Variants in ATP8A2 observed in about 807,000 individuals in gnomAD.
ATP8A2 encodes ATPase phospholipid transporting 8A2, also known as phospholipid-transporting ATPase IB.
A neutral mutation model predicts 165.6 loss-of-function variants in ATP8A2; 100 were observed. That is an observed-to-expected ratio of 0.60 (90% CI 0.51 to 0.71). The LOEUF (loss-of-function observed/expected upper bound fraction) is 0.71, where lower values mean the gene tolerates loss of function less well. ATP8A2 is among the 30% of genes least tolerant of loss of function. ATP8A2 has a pLI of 0.00. For synonymous variants in ATP8A2, 543 were observed against 548.8 expected, an observed-to-expected ratio of 0.99 and a Z score of 0.15; for missense variants, 1,227 against 1,479.5, an observed-to-expected ratio of 0.83 and a Z score of 2.80.
intron 33 of ATP8A2, among the ~76,000 whole-genome samples, chr13:25,873,629 C>T (rs1264270216): frequency 6.6e-6 from 1 of 151,320 alleles, no homozygotes. Context: ...ATTTTTACCC[C>T]CTAAGTATCT....
chr13:25,420,682 C>A (rs1003242511), intron 1 of ATP8A2, among the ~76,000 whole-genome samples: 5 of 152,160 alleles, frequency 3.3e-5, no homozygotes, highest in Non-Finnish European at 4.4e-5. Context: ...GCCTGCACAT[C>A]CTGCACATGT....
chr13:25,530,472 G>C, intron 3 of ATP8A2, 90 bp from the exon 4 acceptor site: 1 of 743,312 alleles, frequency 1.3e-6, no homozygotes, highest in South Asian at 1.6e-5. Flanking sequence ...AACTGCAAAA[G>C]TGTGAAACGT....
At chr13:25,576,478 A>G (rs527762666) in intron 19 of ATP8A2, among the ~76,000 whole-genome samples, 1 of 152,154 alleles carries the variant, frequency 6.6e-6, no homozygotes, top group Admixed American at 6.5e-5. Context: ...AGTAAGAAGA[A>G]TTCATAGGCG....
At chr13:25,534,180 G>A (rs1449949993) in intron 6 of ATP8A2, 3 of 532,526 alleles carry the variant, frequency 5.6e-6, no homozygotes, top group Non-Finnish European at 1.2e-5. Flanking sequence ...CTTTGTTTTA[G>A]GAGAATTCGC....
At chr13:25,449,421 G>C (rs2138228841) in intron 1 of ATP8A2, among the ~76,000 whole-genome samples, 2 of 152,298 alleles carry the variant, frequency 1.3e-5, no homozygotes, top group Middle Eastern at 6.8e-3. Context: ...ATTGATTTGT[G>C]ATTGTGGTTA....
At chr13:25,565,237 A>G (rs1234109837) in intron 16 of ATP8A2, among the ~76,000 whole-genome samples, 1 of 152,180 alleles carries the variant, frequency 6.6e-6, no homozygotes, top group Admixed American at 6.5e-5. Context: ...TCCTCTGGGT[A>G]GATACCTAGT....
At position 25,968,717 on chromosome 13, in the gene ATP8A2, G is replaced by A. The variant is rs773002289; in HGVS notation, c.3377+38G>A. ...GTCCCAGTCCGCACAGAACACAGGT[G>A]CTCCCGGCCCTTTTCCCTTATTCCT... On this transcript the variant is annotated intron_variant, in intron 35 of 36. Coordinates refer to ENST00000381655, the MANE Select transcript of ATP8A2 (RefSeq NM_016529.6). The A allele has an allele frequency of 2.3e-5, 35 of 1,517,558 alleles. No individual in the cohort carries two copies. The South Asian group carries it at 3.9e-4, about 17-fold the overall frequency. 94.0% of individuals were successfully genotyped at this position (1,517,558 alleles called of 1,614,324 possible). A position where few individuals can be genotyped will look rare whatever the true frequency, so the allele number is the denominator to read the frequency against.
At chr13:25,795,227 G>A (rs920799362) in intron 27 of ATP8A2, among the ~76,000 whole-genome samples, 3 of 152,132 alleles carry the variant, frequency 2.0e-5, no homozygotes, top group African/African-American at 7.2e-5. Context: ...CTGGGGCAGG[G>A]AGGGATTTTC....
At chr13:25,403,886 T>G (rs942323513) in intron 1 of ATP8A2, among the ~76,000 whole-genome samples, 1 of 152,096 alleles carries the variant, frequency 6.6e-6, no homozygotes, top group African/African-American at 2.4e-5. Flanking sequence ...AAATTATCGG[T>G]TTGCTTTATT....
At chr13:25,823,284 T>G (rs575582248) in intron 27 of ATP8A2, among the ~76,000 whole-genome samples, 1 of 152,212 alleles carries the variant, frequency 6.6e-6, no homozygotes, top group Non-Finnish European at 1.5e-5. Flanking sequence ...ATCTGAACTT[T>G]TATTGTATGT....
At chr13:25,618,839 A>G (rs1379538522) in intron 24 of ATP8A2, among the ~76,000 whole-genome samples, 1 of 151,992 alleles carries the variant, frequency 6.6e-6, no homozygotes, top group Non-Finnish European at 1.5e-5. Context: ...CATGCATTTC[A>G]ATCAGTTCTT....
chr13:25,503,740 T>C (rs892433922), intron 2 of ATP8A2, among the ~76,000 whole-genome samples: 1 of 152,078 alleles, frequency 6.6e-6, no homozygotes, highest in Non-Finnish European at 1.5e-5. Context: ...ATTAAGGTCC[T>C]CGGGTTAAAA....
chr13:25,435,555 G>T (rs1179943751), intron 1 of ATP8A2, among the ~76,000 whole-genome samples: 5 of 152,142 alleles, frequency 3.3e-5, no homozygotes, highest in African/African-American at 1.2e-4. Context: ...AGCCTCAAGC[G>T]CAAGGTAGTA....
In ATP8A2 at chr13:25,454,145, G is replaced by A. The variant is rs556146030; in HGVS notation, c.77-14832G>A. On this transcript the variant is annotated intron_variant, in intron 1 of 36. Coordinates refer to ENST00000381655, the MANE Select transcript of ATP8A2 (RefSeq NM_016529.6). ...ACTGTGGAGCATGTCACTCAGGGGC[G>A]AACTGCGTGGTCTCTTTGCGTTTGG... Among the ~76,000 whole-genome samples, 16 of 152,258 alleles carry A rather than the reference G, an allele frequency of 1.1e-4. No homozygotes were observed. The South Asian group carries it at 2.3e-3, about 22-fold the overall frequency.
intron 33 of ATP8A2, among the ~76,000 whole-genome samples, chr13:25,945,370 G>A (rs1167359813): frequency 6.6e-6 from 1 of 152,166 alleles, no homozygotes; most frequent in Non-Finnish European, 1.5e-5. Context: ...AAAACTGCTG[G>A]CAGAAGGAAG....
chr13:25,724,843 A>G (rs201106399), intron 25 of ATP8A2, among the ~76,000 whole-genome samples: 1 of 152,224 alleles, frequency 6.6e-6, no homozygotes, highest in African/African-American at 2.4e-5. Context: ...GAGTGAGAAC[A>G]ATCAGTATAA....
chr13:25,803,045 C>G lies in ATP8A2; in HGVS notation c.2680-25073C>G, dbSNP rs564776096. On this transcript the variant is annotated intron_variant, in intron 27 of 36. Transcript: ENST00000381655. ...TTTTTAAAGGCGTGAAGGATGTACA[C>G]TCAAATTGCCTTGTAATTTTTCCTT... Among the ~76,000 whole-genome samples, 5 of 151,470 alleles carry G rather than the reference C, an allele frequency of 3.3e-5. No homozygotes were observed. The East Asian group carries it at 9.7e-4, about 29-fold the overall frequency.
chr13:25,612,723 G>A (rs1447702783), intron 24 of ATP8A2, among the ~76,000 whole-genome samples: 1 of 152,176 alleles, frequency 6.6e-6, no homozygotes, highest in Non-Finnish European at 1.5e-5. Flanking sequence ...GTCTAATGCT[G>A]TCAGTGGAGT....
chr13:25,905,668 A>G (rs757483958), intron 33 of ATP8A2, among the ~76,000 whole-genome samples: 10 of 152,102 alleles, frequency 6.6e-5, no homozygotes, highest in Non-Finnish European at 1.5e-5. Flanking sequence ...ACAGGTTGCA[A>G]TCTACTCTCC....
Sources: gnomAD v4.1 joint callset for allele counts (sites outside exome capture counted in the v4.1 genomes callset) on GRCh38, gnomAD v4.1.1 for gene constraint, MANE v1.5 for transcripts, NCBI Gene and HGNC (gene_info 2026-07-23, HGNC 2026-07-21) for gene names.